The following HDAC4 variants were observed in gnomAD, a reference collection of about 807,000 sequenced individuals.
HDAC4 encodes histone deacetylase 4, also known as histone deacetylase A.
In HDAC4, 16 loss-of-function variants were observed where a neutral mutation model predicts 135.1. That is an observed-to-expected ratio of 0.12 (90% CI 0.08 to 0.18). The LOEUF (loss-of-function observed/expected upper bound fraction) is 0.18. Ranked by LOEUF, HDAC4 falls within the 10% of genes least tolerant of loss-of-function variation. HDAC4 has a pLI of 1.00. For missense variants in HDAC4, 1,143 were observed against 1,511.8 expected (o/e 0.76, Z 4.05); for synonymous variants, 685 against 653.4 (o/e 1.05, Z -0.74).
At chr2:239,187,240 C>T (rs573676582) in intron 4 of HDAC4, 18 of 152,680 alleles carry the variant, frequency 1.2e-4, no homozygotes, top group African/African-American at 4.1e-4. Flanking sequence ...CCGACGGGGG[C>T]TTCTGAGAGG....
chr2:239,285,311 G>A lies in HDAC4; in HGVS notation c.23-48647C>T, dbSNP rs147902425. Among the ~76,000 whole-genome samples the A allele has an allele frequency of 3.0e-4, 45 of 152,360 alleles. 2 individuals are homozygous for A. The East Asian group carries it at 6.6e-3, about 22-fold the overall frequency. ...CTGCTGGGAGTGGAGAACGCGCCGC[G>A]GCTGGGCCCCCAAGTTCGCGGCTGT... is the stretch of plus-strand genomic sequence containing the variant. On this transcript the variant is annotated intron_variant, in intron 2 of 26. Coordinates refer to ENST00000543185, the MANE Select transcript of HDAC4 (RefSeq NM_001378414.1). The surrounding 1 kb of genome is among the most constrained non-coding windows in gnomAD (Gnocchi z 4.5).
chr2:239,118,257 G>C (rs924022667), intron 12 of HDAC4, among the ~76,000 whole-genome samples: 1 of 152,194 alleles, frequency 6.6e-6, no homozygotes, highest in Non-Finnish European at 1.5e-5. Flanking sequence ...GGCAGTAAAA[G>C]CCGAGTGAAG....
At chr2:239,062,098 T>C (rs1472553986) in intron 24 of HDAC4, among the ~76,000 whole-genome samples, 1 of 152,266 alleles carries the variant, frequency 6.6e-6, no homozygotes, top group East Asian at 1.9e-4. Flanking sequence ...CACTGCAACA[T>C]GCAACACTCG....
rs886264001 is a variant in HDAC4, at chr2:239,303,307, T to C, written c.22+49371A>G. Among the ~76,000 whole-genome samples, 1 of 152,242 alleles carries C rather than the reference T, an allele frequency of 6.6e-6. No individual in the cohort carries two copies. The highest frequency in any genetic ancestry group is 1.5e-5 in the Non-Finnish European group (1 of 68,048). Reference sequence around the variant, plus strand: ...AAATAAGTTTCGCTTCCTTTTTATCTACGCTCCCGGATTGACTTGTCCTCC... The same window carrying C: ...AAATAAGTTTCGCTTCCTTTTTATCCACGCTCCCGGATTGACTTGTCCTCC... On this transcript the variant is annotated intron_variant, in intron 2 of 26. Coordinates refer to ENST00000543185, the MANE Select transcript of HDAC4 (RefSeq NM_001378414.1). This position sits in a 1 kb window ranked among gnomAD's most constrained non-coding sequence, Gnocchi z 5.1.
intron 2 of HDAC4, among the ~76,000 whole-genome samples, chr2:239,340,402 G>C (rs2125862711): frequency 6.6e-6 from 1 of 152,302 alleles, no homozygotes; most frequent in Non-Finnish European, 1.5e-5. Flanking sequence ...CCCCAGTGGG[G>C]GCAGCCCCAC....
intron 4 of HDAC4, among the ~76,000 whole-genome samples, chr2:239,179,584 C>A (rs937556304): frequency 6.6e-6 from 1 of 152,338 alleles, no homozygotes; most frequent in Non-Finnish European, 1.5e-5. Flanking sequence ...CCATCTTCCA[C>A]GAAACCGGTC....
rs528603221 is a variant in HDAC4 at position 239,204,636 on chromosome 2, G to A, written c.95-14559C>T. 2.0e-5 allele frequency among the ~76,000 whole-genome samples: 3 copies of A among 152,308 alleles called. No homozygotes were observed. The East Asian group carries it at 5.8e-4, about 30-fold the overall frequency. On this transcript the variant is annotated intron_variant, in intron 3 of 26. Coordinates refer to ENST00000543185, the MANE Select transcript of HDAC4 (RefSeq NM_001378414.1). ...CCGTGGAGGGCTGCACCACTGAGGT[G>A]TGCTCAGGAAGGGCTTAGGGATGGA...
At chr2:239,228,488 A>C (rs1239283568) in intron 3 of HDAC4, among the ~76,000 whole-genome samples, 1 of 152,168 alleles carries the variant, frequency 6.6e-6, no homozygotes, top group Non-Finnish European at 1.5e-5. Context: ...TTGGCCCCGC[A>C]GTGTTTCCAG....
chr2:239,345,827 ACAC>A, intron 2 of HDAC4, among the ~76,000 whole-genome samples: 1 of 147,556 alleles, frequency 6.8e-6, no homozygotes, highest in South Asian at 2.2e-4. Flanking sequence ...TCTAAAATAC[ACAC>A]CCCCGTCTCA....
chr2:239,199,880 A>G (rs1004882202), intron 3 of HDAC4, among the ~76,000 whole-genome samples: 1 of 151,946 alleles, frequency 6.6e-6, no homozygotes, highest in Non-Finnish European at 1.5e-5. Context: ...ACTACTACAG[A>G]CGCCAGCCAC....
At chr2:239,168,149 C>T (rs2043225772) in intron 5 of HDAC4, among the ~76,000 whole-genome samples, 1 of 152,240 alleles carries the variant, frequency 6.6e-6, no homozygotes, top group Non-Finnish European at 1.5e-5. Context: ...ATGGAAAGGA[C>T]ACCTAATGAC....
rs769822493 is a variant in HDAC4 at position 239,126,663 on chromosome 2, G to A, written c.1326C>T (p.Pro442=). ...CACCAACCAAGGACTGTGCGTGGAGGGGCAGTGCTCCCAGGCCTGAAAGAT... is the reference window on the plus strand; with the variant it reads ...CACCAACCAAGGACTGTGCGTGGAGAGGCAGTGCTCCCAGGCCTGAAAGAT... ...DWYLSGLGAL[P]LHAQSLVGAD... is the part of the protein sequence containing the mutation. The change falls in exon 12 of 27, where the codon CCC becomes CCT. Residue 442 remains proline, a synonymous_variant. Coordinates refer to ENST00000543185, the MANE Select transcript of HDAC4 (RefSeq NM_001378414.1). The A allele has an allele frequency of 3.1e-6, 5 of 1,614,078 alleles. No individual in the cohort carries two copies. Among genetic ancestry groups the A allele is most frequent in the South Asian group, 1.1e-5 (1 of 91,086 alleles).
rs986575060 is a variant in HDAC4, at chr2:239,313,513, C to G, written c.22+39165G>C. Among the ~76,000 whole-genome samples the G allele has an allele frequency of 1.2e-4, 19 of 152,166 alleles. No individual in the cohort carries two copies. The highest frequency in any genetic ancestry group is 1.3e-4 in the Non-Finnish European group (9 of 68,028). The stretch of plus-strand genomic sequence containing the variant: ...CCGCAGGCTGGACTCTTCCTAACCT[C>G]ACGAGAGGTGATGACCGGAATCATC... On this transcript the variant is annotated intron_variant, in intron 2 of 26. Coordinates refer to ENST00000543185, the MANE Select transcript of HDAC4 (RefSeq NM_001378414.1). This position sits in a 1 kb window ranked among gnomAD's most constrained non-coding sequence, Gnocchi z 5.1.
chr2:239,401,644 A>T (rs1469492709), upstream of HDAC4: 1 of 259,056 alleles, frequency 3.9e-6, no homozygotes, highest in Non-Finnish European at 7.6e-6. Flanking sequence ...CATCTTGGAT[A>T]CTGGCAGTGG....
chr2:239,377,639 C>A (rs547866913), intron 1 of HDAC4, among the ~76,000 whole-genome samples: 3 of 152,334 alleles, frequency 2.0e-5, no homozygotes, highest in Admixed American at 6.5e-5. Flanking sequence ...GGGCAGGAGG[C>A]CCCAGGGCCA....
chr2:239,150,420 TACAC>T (rs1176046627), intron 7 of HDAC4, among the ~76,000 whole-genome samples: 1 of 148,854 alleles, frequency 6.7e-6, no homozygotes, highest in Non-Finnish European at 1.5e-5. Context: ...GAAACACAGA[TACAC>T]ACCCCACACA....
rs1270256931 is a variant in HDAC4, at chr2:239,049,697, GAAGTA to G, written c.*3395_*3399del. 6.6e-6 allele frequency: 1 copy of G among 152,348 alleles called. No homozygotes were observed. The highest frequency in any genetic ancestry group is 2.4e-5 in the African/African-American group (1 of 41,458). The allele number at this position is 152,348 out of a possible 1,614,324, so 9.4% of individuals were successfully genotyped here. On this transcript the variant is annotated 3_prime_UTR_variant, in exon 27 of 27. Transcript: ENST00000543185. ...TCCCCTTGCAAACAGATTTTCAAAA[GAAGTA>G]AAGAAAAACTGAAACACCTTGACAA...
At chr2:239,344,213 T>C (rs1206766456) in intron 2 of HDAC4, among the ~76,000 whole-genome samples, 2 of 152,062 alleles carry the variant, frequency 1.3e-5, no homozygotes, top group Non-Finnish European at 2.9e-5. Flanking sequence ...ACAGCCTTTC[T>C]GTTCCCCGCC....
At chr2:239,128,872 G>A (rs965718159) in intron 11 of HDAC4, among the ~76,000 whole-genome samples, 1 of 152,186 alleles carries the variant, frequency 6.6e-6, no homozygotes, top group Non-Finnish European at 1.5e-5. Context: ...GTGACACACG[G>A]TAAGGAACAA....
Sources: gnomAD v4.1 joint callset for allele counts (sites outside exome capture counted in the v4.1 genomes callset) on GRCh38, gnomAD v4.1.1 for gene constraint, Gnocchi (gnomAD v3.1) non-coding constraint, MANE v1.5 for transcripts, NCBI Gene and HGNC (gene_info 2026-07-23, HGNC 2026-07-21) for gene names.